ATXN1: variants seen among roughly 807,000 people sequenced by gnomAD.
ATXN1 encodes the protein ataxin-1.
Under a neutral mutation model 56.4 loss-of-function variants are expected in ATXN1, and 8 were observed. The ratio of observed to expected loss-of-function variants is 0.14; its 90% confidence interval spans 0.08 to 0.26. The LOEUF (loss-of-function observed/expected upper bound fraction) is 0.26. ATXN1 is among the 10% of genes least tolerant of loss of function. The pLI, the probability that ATXN1 is intolerant of heterozygous loss-of-function variation, is 1.00. For synonymous variants in ATXN1, 514 were observed against 494.6 expected (o/e 1.04, Z -0.52); for missense variants, 987 against 1,106.5 (o/e 0.89, Z 1.53).
At chr6:16,519,825 C>G (rs1472567903) in intron 5 of ATXN1, among the ~76,000 whole-genome samples, 2 of 152,242 alleles carry the variant, frequency 1.3e-5, no homozygotes, top group African/African-American at 4.8e-5. Context: ...TGTCTCTCAT[C>G]AAGTTCCAAG....
rs74194628 is a variant in ATXN1 at position 16,364,518 on chromosome 6, T to TG, written c.-160-36049dup. Among the ~76,000 whole-genome samples, 480 of 152,240 alleles carry TG rather than the reference T, an allele frequency of 3.2e-3. 14 individuals are homozygous for TG. The East Asian group carries it at 0.069, about 22-fold the overall frequency. ...TAGGGTTTCACTGTGTTAGCCAGGA[T>TG]GGTCTCGATCTCCTGACCTCGTGAT... is the stretch of plus-strand genomic sequence containing the variant. On this transcript the variant is annotated intron_variant, in intron 6 of 7. Coordinates refer to ENST00000436367, the MANE Select transcript of ATXN1 (RefSeq NM_001128164.2).
chr6:16,306,735 A>G lies in ATXN1; in HGVS notation c.2042T>C (p.Val681Ala). Reference protein sequence around the residue: ...LPCSKLSVGDVCISLTLKNLK... With the variant: ...LPCSKLSVGDACISLTLKNLK... ...GTTCTTGAGGGTAAGCGAGATGCAG[A>G]CATCCCCAACTGAGAGTTTGGAACA... Residue 681 changes from valine (V) to alanine (A), a missense_variant, in exon 8 of 8, where the codon GTC becomes GCC. Coordinates refer to ENST00000436367, the MANE Select transcript of ATXN1 (RefSeq NM_001128164.2). The surrounding 1 kb of genome is among the most constrained non-coding windows in gnomAD (Gnocchi z 5.2). 1.2e-6 allele frequency: 2 copies of G among 1,614,114 alleles called. No individual in the cohort carries two copies. Among genetic ancestry groups the G allele is most frequent in the Non-Finnish European group, 1.7e-6 (2 of 1,179,988 alleles).
chr6:16,637,517 A>C (rs958631684), intron 3 of ATXN1, among the ~76,000 whole-genome samples: 1 of 152,022 alleles, frequency 6.6e-6, no homozygotes, highest in Non-Finnish European at 1.5e-5. Context: ...AAAATAAAAT[A>C]AAAAAAGAAA....
intron 6 of ATXN1, among the ~76,000 whole-genome samples, chr6:16,387,658 G>A (rs182564161): frequency 1.4e-4 from 22 of 152,266 alleles, no homozygotes; most frequent in African/African-American, 5.3e-4. Flanking sequence ...GCAGAGGGCC[G>A]TCCTGCCTGC....
At chr6:16,727,746 A>G (rs768287905) in intron 2 of ATXN1, among the ~76,000 whole-genome samples, 1 of 152,206 alleles carries the variant, frequency 6.6e-6, no homozygotes, top group Non-Finnish European at 1.5e-5. Flanking sequence ...TAGACATATT[A>G]CTAATATAAA....
In ATXN1 at chr6:16,682,203, C is replaced by CTTTTTTTTTTTTTTTTTTTTTTT. The variant is rs10528588; in HGVS notation, c.-614-24303_-614-24302insAAAAAAAAAAAAAAAAAAAAAAA. Among the ~76,000 whole-genome samples, 2 of 116,960 alleles carry CTTTTTTTTTTTTTTTTTTTTTTT rather than the reference C, an allele frequency of 1.7e-5. 1 individual carries two copies. 76.7% of individuals were successfully genotyped at this position (116,960 alleles called of 152,430 possible). A position where few individuals can be genotyped will look rare whatever the true frequency, so the allele number is the denominator to read the frequency against. On this transcript the variant is annotated intron_variant, in intron 2 of 7. Transcript: ENST00000436367. ...ATTCAGTAGAGGCCACTGGGGAGAACTTTTTTTTTTTGAGATGGAGTCTCA... is the reference window on the plus strand; with the variant it reads ...ATTCAGTAGAGGCCACTGGGGAGAACTTTTTTTTTTTTTTTTTTTTTTTTTTTTTTTTTTGAGATGGAGTCTCA...
At chr6:16,516,736 T>A (rs1258578284) in intron 5 of ATXN1, among the ~76,000 whole-genome samples, 1 of 152,252 alleles carries the variant, frequency 6.6e-6, no homozygotes, top group Non-Finnish European at 1.5e-5. Context: ...TGGTAATGAA[T>A]CATGTCTAAC....
intron 6 of ATXN1, among the ~76,000 whole-genome samples, chr6:16,389,946 G>A (rs911649347): frequency 6.6e-6 from 1 of 152,122 alleles, no homozygotes; most frequent in Non-Finnish European, 1.5e-5. Flanking sequence ...CTGACTCACT[G>A]CACCAAGCTA....
chr6:16,586,287 C>T (rs1449236223), intron 3 of ATXN1, among the ~76,000 whole-genome samples: 1 of 152,188 alleles, frequency 6.6e-6, no homozygotes, highest in Non-Finnish European at 1.5e-5. Flanking sequence ...TAGAAAATGT[C>T]AGAAACATTG....
intron 6 of ATXN1, among the ~76,000 whole-genome samples, chr6:16,483,127 TC>T (rs1176192634): frequency 2.6e-5 from 4 of 151,732 alleles, no homozygotes; most frequent in African/African-American, 9.7e-5. Context: ...TTGTACAAGA[TC>T]CCCCCTCCCC....
intron 6 of ATXN1, among the ~76,000 whole-genome samples, chr6:16,359,220 C>T (rs1005648378): frequency 6.6e-6 from 1 of 152,196 alleles, no homozygotes; most frequent in Non-Finnish European, 1.5e-5. Flanking sequence ...TTAGGCCCCA[C>T]CTTCAGGCGA....
At chr6:16,727,029 A>T (rs568518782) in intron 2 of ATXN1, among the ~76,000 whole-genome samples, 21 of 150,560 alleles carry the variant, frequency 1.4e-4, no homozygotes, top group African/African-American at 4.7e-4. Flanking sequence ...ACAGTTTGAA[A>T]CAGACAGTGA....
At chr6:16,577,472 C>G (rs753798103) in intron 4 of ATXN1, among the ~76,000 whole-genome samples, 1 of 147,102 alleles carries the variant, frequency 6.8e-6, no homozygotes, top group South Asian at 2.1e-4. Flanking sequence ...TGCAGTGAGC[C>G]GAGATCGTGC....
At chr6:16,726,800 G>A (rs2113478172) in intron 2 of ATXN1, among the ~76,000 whole-genome samples, 1 of 152,314 alleles carries the variant, frequency 6.6e-6, no homozygotes, top group South Asian at 2.1e-4. Context: ...GGAGGTTGCA[G>A]TGAGCCAAGA....
Position 16,328,414 on chromosome 6 carries a change from C to A in ATXN1, c.-104G>T, listed in dbSNP as rs1760900664. 6.6e-6 allele frequency: 9 copies of A among 1,371,722 alleles called. 1 individual carries two copies. In the South Asian group the frequency reaches 1.8e-4, roughly 28 times the overall value. 85.0% of individuals were successfully genotyped at this position (1,371,722 alleles called of 1,614,324 possible). On this transcript the variant is annotated 5_prime_UTR_variant, in exon 7 of 8. Transcript: ENST00000436367. The surrounding 1 kb of genome is among the most constrained non-coding windows in gnomAD (Gnocchi z 6.2). ...ATTTGATTTCTGTAGGGGATCCAGGCTCTTCATGAGGAATCATCTCCCCGT... is the reference window on the plus strand; with the variant it reads ...ATTTGATTTCTGTAGGGGATCCAGGATCTTCATGAGGAATCATCTCCCCGT...
Position 16,589,614 on chromosome 6 carries a change from G to T in ATXN1, c.-488-3707C>A, listed in dbSNP as rs371100514. Among the ~76,000 whole-genome samples, 11 of 152,138 alleles carry T rather than the reference G, an allele frequency of 7.2e-5. No individual in the cohort carries two copies. The South Asian group carries it at 2.3e-3, about 32-fold the overall frequency. On this transcript the variant is annotated intron_variant, in intron 3 of 7. Transcript: ENST00000436367. ...CGGGCTAATAACACCTACCTCACAG[G>T]GTTGTTACGAGAGTTAACTAAGCTA...
chr6:16,719,329 C>G (rs1759700988), intron 2 of ATXN1, among the ~76,000 whole-genome samples: 1 of 152,160 alleles, frequency 6.6e-6, no homozygotes, highest in Admixed American at 6.5e-5. Flanking sequence ...TTCATTTGTG[C>G]AAATTGATAG....
intron 6 of ATXN1, among the ~76,000 whole-genome samples, chr6:16,342,569 G>A (rs981157112): frequency 4.6e-5 from 7 of 152,152 alleles, no homozygotes; most frequent in Admixed American, 6.5e-5. Flanking sequence ...TTCCACACCC[G>A]TGTTCATAGC....
At chr6:16,607,497 C>CAA (rs1763032498) in intron 3 of ATXN1, among the ~76,000 whole-genome samples, 1 of 152,018 alleles carries the variant, frequency 6.6e-6, no homozygotes, top group African/African-American at 2.4e-5. Flanking sequence ...CCCAATGTGT[C>CAA]AGTGTTATAT....
Sources: gnomAD v4.1 joint callset for allele counts (sites outside exome capture counted in the v4.1 genomes callset) on GRCh38, gnomAD v4.1.1 for gene constraint, Gnocchi (gnomAD v3.1) non-coding constraint, MANE v1.5 for transcripts, NCBI Gene and HGNC (gene_info 2026-07-23, HGNC 2026-07-21) for gene names.